TRMT11: variants seen among roughly 807,000 people sequenced by gnomAD.
The protein encoded by TRMT11 is tRNA methyltransferase 11.
TRMT11 carries 53 observed loss-of-function variants against 62.8 expected under a neutral mutation model. The ratio of observed to expected loss-of-function variants is 0.84; its 90% CI spans 0.68 to 1.06. TRMT11 has a LOEUF of 1.06. Ranked by LOEUF, TRMT11 falls within the 50% of genes least tolerant of loss-of-function variation. TRMT11 has a pLI of 0.00. For synonymous variants in TRMT11, 188 were observed against 190.3 expected, an observed-to-expected ratio of 0.99 and a Z score of 0.10; for missense variants, 556 against 553.4, an observed-to-expected ratio of 1.00 and a Z score of -0.05.
chr6:126,234,615 CT>C, the TRMT11 span, among the ~76,000 whole-genome samples: 1 of 152,010 alleles, frequency 6.6e-6, no homozygotes, highest in Non-Finnish European at 1.5e-5. Flanking sequence ...AATCTGTACA[CT>C]GTTGTTTTTT....
the TRMT11 span, among the ~76,000 whole-genome samples, chr6:126,237,548 G>C: frequency 2.0e-5 from 3 of 152,064 alleles, no homozygotes; most frequent in African/African-American, 7.2e-5. Flanking sequence ...GGGCGTGGTG[G>C]CACATGCCTG....
intron 1 of TRMT11, among the ~76,000 whole-genome samples, chr6:125,987,354 TA>T (rs1219533416): frequency 6.6e-6 from 1 of 152,078 alleles, no homozygotes; most frequent in Non-Finnish European, 1.5e-5. Flanking sequence ...GCCAAGGAGA[TA>T]AATCAGTAAA....
intron 16 of TRMT11, among the ~76,000 whole-genome samples, chr6:126,051,074 G>A (rs546983776): frequency 6.6e-6 from 1 of 152,296 alleles, no homozygotes; most frequent in South Asian, 2.1e-4. Flanking sequence ...CCAAGAGGAG[G>A]TGTTTCCTGA....
chr6:126,066,244 T>A (rs1171492121), intron 17 of TRMT11, among the ~76,000 whole-genome samples: 2 of 152,212 alleles, frequency 1.3e-5, no homozygotes, highest in African/African-American at 4.8e-5. Context: ...TGGGCCTGGC[T>A]GTGAGTGAAT....
At chr6:126,050,944 G>A (rs893477529) in intron 16 of TRMT11, among the ~76,000 whole-genome samples, 1 of 152,184 alleles carries the variant, frequency 6.6e-6, no homozygotes, top group Non-Finnish European at 1.5e-5. Context: ...GGAACCTTCA[G>A]TAGTTGTAGA....
intron 17 of TRMT11, among the ~76,000 whole-genome samples, chr6:126,077,900 ATCC>A (rs1777065634): frequency 6.6e-6 from 1 of 152,144 alleles, no homozygotes; most frequent in South Asian, 2.1e-4. Flanking sequence ...AGAGTCAGAG[ATCC>A]TTCTGGGCTT....
the TRMT11 span, among the ~76,000 whole-genome samples, chr6:126,214,361 G>A: frequency 1.3e-5 from 2 of 151,946 alleles, no homozygotes; most frequent in Non-Finnish European, 2.9e-5. Context: ...AAGCCATCAG[G>A]TCTTGGGCTT....
intron 1 of TRMT11, among the ~76,000 whole-genome samples, chr6:126,189,766 G>T (rs1333105860): frequency 6.6e-6 from 1 of 152,088 alleles, no homozygotes; most frequent in Non-Finnish European, 1.5e-5. Flanking sequence ...CAAGATAAGT[G>T]TAAATATAGT....
rs373144591 is a variant in TRMT11 at position 126,007,535 on chromosome 6, AAAG to A, written c.680-856_680-854del. Among the ~76,000 whole-genome samples, 45 of 152,194 alleles carry A rather than the reference AAAG, an allele frequency of 3.0e-4. 1 individual carries two copies. The East Asian group carries it at 3.1e-3, about 10-fold the overall frequency. On this transcript the variant is annotated intron_variant, in intron 7 of 12. Transcript: ENST00000334379. Reference sequence around the variant, plus strand: ...AGCATTTTAATTTGAATGATTAAAAAAAGTGAATTTAATTAAAAGTACAATTAT... The same window carrying A: ...AGCATTTTAATTTGAATGATTAAAAATGAATTTAATTAAAAGTACAATTAT...
chr6:126,155,744 G>C (rs185705535), intron 21 of TRMT11, among the ~76,000 whole-genome samples: 1 of 152,102 alleles, frequency 6.6e-6, no homozygotes, highest in Non-Finnish European at 1.5e-5. Flanking sequence ...TTTTTGAGAC[G>C]GAGTCTCGCT....
chr6:126,258,696 TG>T, the TRMT11 span, among the ~76,000 whole-genome samples: 1 of 152,246 alleles, frequency 6.6e-6, no homozygotes, highest in African/African-American at 2.4e-5. Flanking sequence ...TATGTGTCTT[TG>T]TATTTCTGTG....
At chr6:126,024,736 G>C (rs926832409) in intron 12 of TRMT11, among the ~76,000 whole-genome samples, 23 of 152,192 alleles carry the variant, frequency 1.5e-4, no homozygotes, top group African/African-American at 5.5e-4. Context: ...CATTGAATAA[G>C]AGGAGTCTGT....
chr6:126,115,270 A>G (rs990337264), intron 19 of TRMT11, among the ~76,000 whole-genome samples: 2 of 152,086 alleles, frequency 1.3e-5, no homozygotes, highest in Admixed American at 6.6e-5. Context: ...GCTCACTATT[A>G]TTCGTCTTCT....
chr6:126,180,387 T>C (rs1292786843), intron 1 of TRMT11, among the ~76,000 whole-genome samples: 1 of 152,222 alleles, frequency 6.6e-6, no homozygotes, highest in Non-Finnish European at 1.5e-5. Context: ...TAGTATCACC[T>C]TCATTCATTA....
At chr6:126,160,306 G>A (rs925235461) in intron 21 of TRMT11, among the ~76,000 whole-genome samples, 1 of 152,078 alleles carries the variant, frequency 6.6e-6, no homozygotes, top group African/African-American at 2.4e-5. Flanking sequence ...TGACCATGCT[G>A]TACTTCACTG....
At chr6:125,994,437 A>G (rs568387222) in intron 2 of TRMT11, among the ~76,000 whole-genome samples, 1 of 152,224 alleles carries the variant, frequency 6.6e-6, no homozygotes, top group South Asian at 2.1e-4. Context: ...ACATAGCTAC[A>G]TAATATTTTT....
At chr6:126,176,203 G>A (rs1778382727), upstream of TRMT11, among the ~76,000 whole-genome samples, 1 of 152,154 alleles carries the variant, frequency 6.6e-6, no homozygotes, top group African/African-American at 2.4e-5. Flanking sequence ...AAAGGCAAAG[G>A]CCACAGTGAA....
chr6:126,192,488 A>G (rs1455279179), intron 1 of TRMT11, among the ~76,000 whole-genome samples: 1 of 152,106 alleles, frequency 6.6e-6, no homozygotes, highest in Non-Finnish European at 1.5e-5. Context: ...ATTGAATAAA[A>G]GTGTTGAAAG....
At chr6:126,109,273 A>G (rs763887515) in intron 17 of TRMT11, among the ~76,000 whole-genome samples, 140 of 152,200 alleles carry the variant, frequency 9.2e-4, no homozygotes, top group Non-Finnish European at 1.6e-3. Flanking sequence ...TCAGGGACCA[A>G]TCAAATTACA....
Sources: allele counts gnomAD v4.1 joint callset (sites outside exome capture counted in the v4.1 genomes callset), GRCh38; gene constraint gnomAD v4.1.1; transcripts MANE v1.5; gene names NCBI Gene and HGNC (gene_info 2026-07-23, HGNC 2026-07-21).